SYN2: variants seen among roughly 807,000 people sequenced by gnomAD.
SYN2 encodes the protein synapsin-2.
A neutral mutation model predicts 50.9 loss-of-function variants in SYN2; 19 were observed. That is an observed-to-expected ratio of 0.37 (90% CI 0.26 to 0.55). The LOEUF (loss-of-function observed/expected upper bound fraction) is 0.55. Among genes scored for constraint, SYN2 ranks in the 20% least tolerant of loss-of-function variants. SYN2 has a pLI of 0.81. For missense variants in SYN2, 587 were observed against 576.4 expected (o/e 1.02, Z -0.19); for synonymous variants, 255 against 224.9 (o/e 1.13, Z -1.20).
At chr3:12,110,557 G>T (rs1379980974) in intron 1 of SYN2, among the ~76,000 whole-genome samples, 1 of 152,240 alleles carries the variant, frequency 6.6e-6, no homozygotes, top group Non-Finnish European at 1.5e-5. Flanking sequence ...TGAGAGCCCT[G>T]CCCCTGCAGC....
intron 5 of SYN2, among the ~76,000 whole-genome samples, chr3:12,160,303 A>G (rs1339017952): frequency 6.6e-6 from 1 of 152,014 alleles, no homozygotes; most frequent in Non-Finnish European, 1.5e-5. Context: ...CATAAAGTAG[A>G]GTTGAACTAC....
At chr3:12,026,484 C>G (rs906023917) in intron 1 of SYN2, among the ~76,000 whole-genome samples, 2 of 151,942 alleles carry the variant, frequency 1.3e-5, no homozygotes, top group Admixed American at 1.3e-4. Context: ...ATTAATTTGC[C>G]TAGAATAGGA....
chr3:12,119,605 T>C (rs988744025), intron 1 of SYN2, among the ~76,000 whole-genome samples: 2 of 152,174 alleles, frequency 1.3e-5, no homozygotes, highest in Non-Finnish European at 2.9e-5. Context: ...CAGGCAACTT[T>C]TGTTATTTGT....
Position 12,057,287 on chromosome 3 carries a change from C to CTGTCTGTGTGTGTGTG in SYN2, c.377+52362_377+52363insCTGTGTGTGTGTGTGT, listed in dbSNP as rs71044259. ...AACCTGGGCGACAAGGCAAGACTGTCTGTGTGTGTGTGTGTGTGTGTGTGT... is the reference window on the plus strand; with the variant it reads ...AACCTGGGCGACAAGGCAAGACTGTCTGTCTGTGTGTGTGTGTGTGTGTGTGTGTGTGTGTGTGTGT... On this transcript the variant is annotated intron_variant, in intron 1 of 12. Coordinates refer to ENST00000621198, the MANE Select transcript of SYN2 (RefSeq NM_133625.6). Among the ~76,000 whole-genome samples the CTGTCTGTGTGTGTGTG allele has an allele frequency of 2.8e-3, 379 of 133,990 alleles. 9 individuals are homozygous for CTGTCTGTGTGTGTGTG. The highest frequency in any genetic ancestry group is 0.018 in the East Asian group (83 of 4,642). The allele number at this position is 133,990 out of a possible 152,430, so 87.9% of individuals were successfully genotyped here.
intron 1 of SYN2, among the ~76,000 whole-genome samples, chr3:12,031,790 G>A (rs2125142706): frequency 2.3e-5 from 1 of 42,584 alleles, no homozygotes; most frequent in Non-Finnish European, 5.3e-5. Context: ...ACGTGAGATG[G>A]GTTTCCTGAA....
chr3:12,153,557 G>T, intron 5 of SYN2: 2 of 1,613,998 alleles, frequency 1.2e-6, no homozygotes, highest in Non-Finnish European at 1.7e-6. Context: ...TGAGAGGCAG[G>T]TGGCCCCGGT....
rs75187596 is a variant in SYN2, at chr3:12,009,333, G to GT, written c.377+4416dup. On this transcript the variant is annotated intron_variant, in intron 1 of 12. Coordinates refer to ENST00000621198, the MANE Select transcript of SYN2 (RefSeq NM_133625.6). ...TCTAGAACTTTAATCTCTCTACCATGTTTTTTTTTTTCCCAACTCTACCAC... is the reference window on the plus strand; with the variant it reads ...TCTAGAACTTTAATCTCTCTACCATGTTTTTTTTTTTTCCCAACTCTACCAC... Among the ~76,000 whole-genome samples the GT allele has an allele frequency of 9.8e-4, 144 of 146,256 alleles. 2 individuals carry two copies. The East Asian group carries it at 0.015, about 15-fold the overall frequency.
At chr3:12,080,781 T>C (rs1695570276) in intron 1 of SYN2, among the ~76,000 whole-genome samples, 1 of 152,200 alleles carries the variant, frequency 6.6e-6, no homozygotes, top group Non-Finnish European at 1.5e-5. Flanking sequence ...TGTATTCTGT[T>C]GTTTTGGGGT....
chr3:12,034,942 T>A (rs1489048090), intron 1 of SYN2, among the ~76,000 whole-genome samples: 1 of 152,150 alleles, frequency 6.6e-6, no homozygotes, highest in Non-Finnish European at 1.5e-5. Flanking sequence ...CAAAGTCTCA[T>A]CTAAATCAGA....
chr3:12,098,903 G>A (rs1696007368), intron 1 of SYN2, among the ~76,000 whole-genome samples: 1 of 143,204 alleles, frequency 7.0e-6, no homozygotes, highest in South Asian at 2.2e-4. Flanking sequence ...AACCAAAAGA[G>A]AGTTGGAATG....
At chr3:12,113,499 G>A (rs1364112295) in intron 1 of SYN2, among the ~76,000 whole-genome samples, 4 of 151,968 alleles carry the variant, frequency 2.6e-5, no homozygotes, top group Non-Finnish European at 2.9e-5. Context: ...CCATTTTAAG[G>A]TGTACAATCC....
intron 1 of SYN2, among the ~76,000 whole-genome samples, chr3:12,006,273 G>T (rs1393750087): frequency 1.3e-5 from 2 of 152,164 alleles, no homozygotes; most frequent in Admixed American, 1.3e-4. Context: ...TATGTGGTTG[G>T]CCTTTTCAAG....
intron 1 of SYN2, among the ~76,000 whole-genome samples, chr3:12,075,445 A>G (rs576352609): frequency 2.0e-5 from 3 of 152,292 alleles, no homozygotes; most frequent in South Asian, 2.1e-4. Flanking sequence ...TATGATGTCA[A>G]TTGCTATGAT....
At chr3:12,033,278 C>T (rs897484743) in intron 1 of SYN2, among the ~76,000 whole-genome samples, 1 of 152,192 alleles carries the variant, frequency 6.6e-6, no homozygotes, top group Admixed American at 6.5e-5. Context: ...CCACTGCTCT[C>T]TTCAAAGCTC....
chr3:12,183,487 C>A, intron 11 of SYN2, 115 bp downstream of exon 11: 2 of 1,602,718 alleles, frequency 1.2e-6, no homozygotes, highest in South Asian at 1.1e-5. Context: ...AAGCCAAAAA[C>A]AAACGAAAGG....
At chr3:12,014,774 T>C (rs1429321390) in intron 1 of SYN2, among the ~76,000 whole-genome samples, 2 of 152,212 alleles carry the variant, frequency 1.3e-5, no homozygotes, top group Admixed American at 1.3e-4. Context: ...GTGTGCCTTC[T>C]TCCACACAGC....
chr3:12,019,664 T>C (rs1332262517), intron 1 of SYN2, among the ~76,000 whole-genome samples: 1 of 152,196 alleles, frequency 6.6e-6, no homozygotes, highest in East Asian at 1.9e-4. Context: ...AAGGAAATTG[T>C]AGTATTTCTG....
intron 1 of SYN2, among the ~76,000 whole-genome samples, chr3:12,059,250 G>A (rs191699813): frequency 6.6e-6 from 1 of 152,194 alleles, no homozygotes; most frequent in Non-Finnish European, 1.5e-5. Context: ...GAAAGCAGAA[G>A]TACAAGGAAA....
intron 1 of SYN2, among the ~76,000 whole-genome samples, chr3:12,115,855 G>T (rs1413964055): frequency 6.6e-6 from 1 of 152,180 alleles, no homozygotes; most frequent in East Asian, 1.9e-4. Context: ...CTTCCTCACA[G>T]CAGGGTCTGG....
Sources: allele counts gnomAD v4.1 joint callset (sites outside exome capture counted in the v4.1 genomes callset), GRCh38; gene constraint gnomAD v4.1.1; transcripts MANE v1.5; gene names NCBI Gene and HGNC (gene_info 2026-07-23, HGNC 2026-07-21).